DLAT: variants seen among roughly 807,000 people sequenced by gnomAD.
DLAT encodes dihydrolipoyllysine-residue acetyltransferase component of pyruvate dehydrogenase complex, mitochondrial.
Under a neutral mutation model 68.0 loss-of-function variants are expected in DLAT, and 43 were observed. The observed-to-expected ratio is 0.63, with a 90% confidence interval of 0.50 to 0.81. DLAT has a LOEUF of 0.81. DLAT is among the 40% of genes least tolerant of loss of function. DLAT has a pLI of 0.00. For missense variants in DLAT, 745 were observed against 815.4 expected, an observed-to-expected ratio of 0.91 and a Z score of 1.05; for synonymous variants, 265 against 288.6, an observed-to-expected ratio of 0.92 and a Z score of 0.83.
chr11:112,036,194 T>TGA (rs1862743102), intron 5 of DLAT, among the ~76,000 whole-genome samples: 1 of 77,492 alleles, frequency 1.3e-5, no homozygotes. Flanking sequence ...TGTGTGTGTG[T>TGA]GTGTGTGTTT....
chr11:112,029,164 G>A (rs79063223), intron 4 of DLAT, among the ~76,000 whole-genome samples: 390 of 152,316 alleles, frequency 2.6e-3, no homozygotes, highest in African/African-American at 8.8e-3. Context: ...CTCAGCCTCA[G>A]TGTAGTACAC....
chr11:112,061,436 A>C, intron 13 of DLAT: 2 of 419,238 alleles, frequency 4.8e-6, no homozygotes, highest in Non-Finnish European at 8.6e-6. Flanking sequence ...GGTGTGCAGC[A>C]AATTCAAGTT....
In DLAT at chr11:112,051,387, T is replaced by A. The variant is rs782069295; in HGVS notation, c.1514+38T>A. On this transcript the variant is annotated intron_variant, in intron 11 of 13. Coordinates refer to ENST00000280346, the MANE Select transcript of DLAT (RefSeq NM_001931.5). The surrounding 1 kb of genome is among the most constrained non-coding windows in gnomAD (Gnocchi z 4.3). ...GGGGAAGATATATATCCATCGGTAG[T>A]TTTCTTGTATTATTTAATGTGTGAG... 73 of 1,419,712 alleles carry A rather than the reference T, an allele frequency of 5.1e-5. No homozygotes were observed. The highest frequency in any genetic ancestry group is 1.3e-4 in the Admixed American group (8 of 59,740). 87.9% of individuals were successfully genotyped at this position (1,419,712 alleles called of 1,614,324 possible).
chr11:112,035,132 T>C (rs1862633789), intron 5 of DLAT, among the ~76,000 whole-genome samples: 1 of 152,130 alleles, frequency 6.6e-6, no homozygotes, highest in South Asian at 2.1e-4. Flanking sequence ...TAATGGGAGG[T>C]ACTGGGCATC....
chr11:112,032,720 CA>C (rs1555180059), intron 4 of DLAT: 1 of 152,298 alleles, frequency 6.6e-6, no homozygotes, highest in African/African-American at 2.4e-5. Context: ...AAAATTTTAA[CA>C]GAATGGTTTG....
At chr11:112,053,761 C>T (rs747084011) in intron 11 of DLAT, among the ~76,000 whole-genome samples, 16 of 152,138 alleles carry the variant, frequency 1.1e-4, no homozygotes, top group Non-Finnish European at 2.1e-4. Context: ...CCCTTAAACA[C>T]AGCTTTTAAA....
At position 112,051,879 on chromosome 11, in the gene DLAT, C is replaced by T. The variant is rs1390641290; in HGVS notation, c.1514+530C>T. On this transcript the variant is annotated intron_variant, in intron 11 of 13. Coordinates refer to ENST00000280346, the MANE Select transcript of DLAT (RefSeq NM_001931.5). This position sits in a 1 kb window ranked among gnomAD's most constrained non-coding sequence, Gnocchi z 4.3. The stretch of plus-strand genomic sequence containing the variant: ...CTGAACTTTACGGGCAAAATTAGAA[C>T]AGTAATTGTTAATAATACAATGGTA... Among the ~76,000 whole-genome samples, 1 of 152,120 alleles carries T rather than the reference C, an allele frequency of 6.6e-6. No homozygotes were observed.
rs587745123 is a variant in DLAT at position 112,032,764 on chromosome 11, C to A, written c.661-640C>A. ...GTCATTTTGTGAAAATGAAAAACTTCTTGGTTAAAAAAAAATGAAGTCTGG... is the reference window on the plus strand; with the variant it reads ...GTCATTTTGTGAAAATGAAAAACTTATTGGTTAAAAAAAAATGAAGTCTGG... On this transcript the variant is annotated intron_variant, in intron 4 of 13. Coordinates refer to ENST00000280346, the MANE Select transcript of DLAT (RefSeq NM_001931.5). Among the ~76,000 whole-genome samples the A allele has an allele frequency of 1.1e-4, 16 of 152,154 alleles. No individual in the cohort carries two copies. The East Asian group carries it at 2.7e-3, about 26-fold the overall frequency.
chr11:112,035,432 T>G (rs1862651439), intron 5 of DLAT, among the ~76,000 whole-genome samples: 1 of 152,198 alleles, frequency 6.6e-6, no homozygotes, highest in South Asian at 2.1e-4. Context: ...AGAGAAGTGT[T>G]ACCTTGGTTG....
intron 5 of DLAT, among the ~76,000 whole-genome samples, chr11:112,036,201 G>GTGTGTGTGTGTGT (rs1555180455): frequency 2.7e-5 from 1 of 36,474 alleles, no homozygotes; most frequent in African/African-American, 9.0e-5. Flanking sequence ...GTGTGTGTGT[G>GTGTGTGTGTGTGT]TTTTTTTTTT....
At chr11:112,057,383 T>G (rs951298299) in intron 11 of DLAT, among the ~76,000 whole-genome samples, 30 of 152,238 alleles carry the variant, frequency 2.0e-4, no homozygotes, top group African/African-American at 7.2e-4. Context: ...GAGTAAGGCA[T>G]GTCAAAAGCC....
Position 112,025,511 on chromosome 11 carries a change from C to A in DLAT, c.39C>A (p.Ala13=), listed in dbSNP as rs1555179081. 8 of 1,613,722 alleles carry A rather than the reference C, an allele frequency of 5.0e-6. No individual in the cohort carries two copies. The highest frequency in any genetic ancestry group is 1.3e-5 in the African/African-American group (1 of 74,884). Residue 13 remains alanine, a synonymous_variant, in exon 1 of 14, where the codon GCC becomes GCA. Coordinates refer to ENST00000280346, the MANE Select transcript of DLAT (RefSeq NM_001931.5). The part of the protein sequence containing the change: ...RVCARRAQNV[A]PWAGLEARWT... ...GTGCGCGACGGGCTCAGAATGTAGC[C>A]CCATGGGCGGGACTCGAGGCTCGGT...
intron 9 of DLAT, among the ~76,000 whole-genome samples, chr11:112,045,451 G>GGAT (rs1555181388): frequency 3.3e-4 from 51 of 152,244 alleles, no homozygotes; most frequent in Non-Finnish European, 1.3e-4. Flanking sequence ...ACTTTGGGAG[G>GGAT]CCAAAGCGGG....
At chr11:112,038,764 T>C (rs1862900685) in intron 6 of DLAT, among the ~76,000 whole-genome samples, 1 of 151,616 alleles carries the variant, frequency 6.6e-6, no homozygotes, top group Non-Finnish European at 1.5e-5. Flanking sequence ...GAGAATTGCT[T>C]GAACCCAGGA....
At chr11:112,062,277 A>G (rs1555183340) in intron 13 of DLAT, 129 bp from the exon 14 acceptor site, 4 of 976,074 alleles carry the variant, frequency 4.1e-6, no homozygotes, top group Non-Finnish European at 6.2e-6. Flanking sequence ...AAGGTATAGG[A>G]GACTGGAAGA....
chr11:112,048,182 A>C (rs1172452307), intron 10 of DLAT, among the ~76,000 whole-genome samples: 2 of 152,140 alleles, frequency 1.3e-5, no homozygotes, highest in Non-Finnish European at 2.9e-5. Context: ...GAGGTCCTTC[A>C]CATCCCTTGT....
intron 10 of DLAT, among the ~76,000 whole-genome samples, chr11:112,048,095 T>C (rs1329241701): frequency 6.6e-6 from 1 of 152,256 alleles, no homozygotes; most frequent in Admixed American, 6.5e-5. Context: ...TTCCTATGCA[T>C]GAGCATGGAA....
intron 3 of DLAT, 34 bp from the exon 4 acceptor site, chr11:112,028,758 C>T (rs1555179674): frequency 6.2e-7 from 1 of 1,614,054 alleles, no homozygotes; most frequent in Admixed American, 1.7e-5. Flanking sequence ...GCTGAATCTG[C>T]CCATTATATT....
chr11:112,028,911 A>G lies in DLAT; in HGVS notation c.626A>G (p.Gln209Arg), dbSNP rs11553595. The change falls in exon 4 of 14, where the codon CAG becomes CGG. Residue 209 changes from glutamine (Q) to arginine (R), a missense_variant. Coordinates refer to ENST00000280346, the MANE Select transcript of DLAT (RefSeq NM_001931.5). ...GCTTCGCCACCTACACCTTCTGCTCAGGCTCCTGGTAGCTCATATCCCCCT... is the reference window on the plus strand; with the variant it reads ...GCTTCGCCACCTACACCTTCTGCTCGGGCTCCTGGTAGCTCATATCCCCCT... ...ATASPPTPSAQAPGSSYPPHM... is the reference protein window; with the variant it reads ...ATASPPTPSARAPGSSYPPHM... 24,175 of 1,614,068 alleles carry G rather than the reference A, an allele frequency of 0.015. 756 individuals are homozygous for G. Among genetic ancestry groups the G allele is most frequent in the African/African-American group, 0.13 (9,581 of 74,978 alleles).
Sources: allele counts gnomAD v4.1 joint callset (sites outside exome capture counted in the v4.1 genomes callset), GRCh38; gene constraint gnomAD v4.1.1; non-coding constraint Gnocchi (gnomAD v3.1); transcripts MANE v1.5; gene names NCBI Gene and HGNC (gene_info 2026-07-23, HGNC 2026-07-21).